KIAA1210: variants seen among roughly 807,000 people sequenced by gnomAD.
The protein encoded by KIAA1210 is acrosomal protein KIAA1210.
KIAA1210 carries 48 observed loss-of-function variants against 78.9 expected under a neutral mutation model. That is an observed-to-expected ratio of 0.61 (90% CI 0.48 to 0.77). The LOEUF is 0.77. KIAA1210 is among the 30% of genes least tolerant of loss of function. The pLI, the probability that KIAA1210 is intolerant of heterozygous loss-of-function variation, is 0.00. For synonymous variants in KIAA1210, 406 were observed against 404.5 expected, an observed-to-expected ratio of 1.00 and a Z score of -0.04; for missense variants, 1,108 against 1,100.0, an observed-to-expected ratio of 1.01 and a Z score of -0.10.
intron 2 of KIAA1210, among the ~76,000 whole-genome samples, chrX:119,121,034 C>T (rs187135658): frequency 2.7e-5 from 3 of 111,319 alleles, no homozygotes; most frequent in Non-Finnish European, 3.8e-5. Flanking sequence ...CACCCCCCAC[C>T]CCCACTATCC....
rs750731045 is a variant in KIAA1210 at position 119,115,235 on chromosome X, T to TTCTCTC, written c.230+1255_230+1260dup. ...CCTTGCACACAAAAAAATCCCCCCC[T>TTCTCTC]TCTCTCTCTCTCTCTCTCTCAGGTT... On this transcript the variant is annotated intron_variant, in intron 3 of 11. Transcript: ENST00000691062. 2.8e-5 allele frequency among the ~76,000 whole-genome samples: 3 copies of TTCTCTC among 106,282 alleles called. No homozygotes were observed. The South Asian group carries it at 1.3e-3, about 45-fold the overall frequency. 92.3% of individuals were successfully genotyped at this position (106,282 alleles called of 115,157 possible).
Position 119,087,366 on chromosome X carries a change from A to C in KIAA1210, c.3336T>G (p.Phe1112Leu). Residue 1112 changes from phenylalanine (F) to leucine (L), a missense_variant, in exon 9 of 12, where the codon TTT becomes TTG. Around this residue, in one of 5 missense-constraint regions of KIAA1210, gnomAD observed 179 missense variants for 174.1 expected, o/e 1.03. Transcript: ENST00000691062. ...GCTGCCTGGGAGACAGCTGCTCTTTAAAACTGCTGCACTTCCCAGGAGCTC... is the reference window on the plus strand; with the variant it reads ...GCTGCCTGGGAGACAGCTGCTCTTTCAAACTGCTGCACTTCCCAGGAGCTC... ...SERAPGKCSS[F>L]KEQLSPRQLS... 1 of 1,211,584 alleles carries C rather than the reference A, an allele frequency of 8.3e-7. No homozygotes were observed. Among genetic ancestry groups the C allele is most frequent in the South Asian group, 1.8e-5 (1 of 56,980 alleles).
intron 7 of KIAA1210, chrX:119,093,997 G>A: frequency 8.5e-7 from 1 of 1,177,319 alleles, no homozygotes; most frequent in East Asian, 3.0e-5. Context: ...ACTGGAAGTG[G>A]TTCATCCAGG....
chrX:119,123,734 T>C (rs969567948), intron 1 of KIAA1210, 82 bp from the exon 2 acceptor site: 1 of 578,261 alleles, frequency 1.7e-6, no homozygotes, highest in Middle Eastern at 3.4e-4. Flanking sequence ...CCCTACCCCT[T>C]ATCCTTCAGT....
intron 6 of KIAA1210, among the ~76,000 whole-genome samples, chrX:119,098,590 G>A (rs779064115): frequency 1.0e-3 from 96 of 93,030 alleles, no homozygotes; most frequent in African/African-American, 3.8e-3. Flanking sequence ...GGGCGACAAA[G>A]CGAGAGACTC....
intron 5 of KIAA1210, among the ~76,000 whole-genome samples, chrX:119,107,415 C>T (rs1201057776): frequency 2.7e-5 from 3 of 112,289 alleles, no homozygotes; most frequent in East Asian, 5.6e-4. Context: ...ACCCTGTTGC[C>T]ACTTGGTCAT....
chrX:119,108,775 T>A (rs1273694683), intron 4 of KIAA1210, among the ~76,000 whole-genome samples: 1 of 108,072 alleles, frequency 9.3e-6, no homozygotes, highest in Admixed American at 9.9e-5. Flanking sequence ...GCCTGGGAAG[T>A]TGAGTCTGCA....
rs1217738359 is a variant in KIAA1210, at chrX:119,080,729, G to A, written c.*600C>T. On this transcript the variant is annotated 3_prime_UTR_variant, in exon 12 of 12. Coordinates refer to ENST00000691062, the MANE Select transcript of KIAA1210 (RefSeq NM_001394962.1). Reference sequence around the variant, plus strand: ...GCAAATGTTTTCGATAGTTTTAATAGAGGAAATGCTGGGTTTCTGGGTGCT... The same window carrying A: ...GCAAATGTTTTCGATAGTTTTAATAAAGGAAATGCTGGGTTTCTGGGTGCT... The A allele has an allele frequency of 8.9e-6, 1 of 112,330 alleles. No individual in the cohort carries two copies. The highest frequency in any genetic ancestry group is 1.9e-5 in the Non-Finnish European group (1 of 53,316). The allele number at this position is 112,330 out of a possible 1,213,427, so 9.3% of individuals were successfully genotyped here. A position where few individuals can be genotyped will look rare whatever the true frequency, so the allele number is the denominator to read the frequency against.
rs36123248 is a variant in KIAA1210, at chrX:119,114,436, C to G, written c.230+2060G>C. Reference sequence around the variant, plus strand: ...AGTCCAGCAGAAAATTACTGTGACTCTCTAGATAAACACTTAATGGATATA... The same window carrying G: ...AGTCCAGCAGAAAATTACTGTGACTGTCTAGATAAACACTTAATGGATATA... On this transcript the variant is annotated intron_variant, in intron 3 of 11. Transcript: ENST00000691062. Among the ~76,000 whole-genome samples the G allele has an allele frequency of 8.2e-3, 926 of 112,427 alleles. 11 individuals are homozygous for G. Among genetic ancestry groups the G allele is most frequent in the African/African-American group, 0.029 (891 of 30,966 alleles).
chrX:119,085,297 G>T, intron 10 of KIAA1210, 86 bp downstream of exon 10: 1 of 866,015 alleles, frequency 1.2e-6, no homozygotes, highest in Non-Finnish European at 1.6e-6. Flanking sequence ...AGGGGGAGCT[G>T]CATGTTGGCA....
At chrX:119,092,020 A>G (rs1927382684) in intron 8 of KIAA1210, among the ~76,000 whole-genome samples, 1 of 111,941 alleles carries the variant, frequency 8.9e-6, no homozygotes, top group African/African-American at 3.3e-5. Flanking sequence ...AGGTGCACTA[A>G]AATCCTAGAC....
At chrX:119,112,408 TAGGAATTCTTTTTATTGAATTCTTA>T (rs1302703348) in intron 3 of KIAA1210, among the ~76,000 whole-genome samples, 4 of 111,644 alleles carry the variant, frequency 3.6e-5, no homozygotes, top group Admixed American at 2.9e-4. Flanking sequence ...TTCTTACTAA[TAGGAATTCTTTTTATTGAATTCTTA>T]AGGAATTCAA....
Position 119,116,607 on chromosome X carries a change from T to G in KIAA1210, c.119A>C (p.Lys40Thr). The G allele has an allele frequency of 8.3e-7, 1 of 1,208,283 alleles. No individual in the cohort carries two copies. Among genetic ancestry groups the G allele is most frequent in the East Asian group, 3.0e-5 (1 of 33,826 alleles). The part of the protein sequence containing the change: ...LKSFFVKKKE[K>T]EAEDTQEEEM... Reference sequence around the variant, plus strand: ...TTCTTCCTGGGTATCTTCGGCTTCTTTTTCCTTCTTCTTAACAAAAAAGCT... The same window carrying G: ...TTCTTCCTGGGTATCTTCGGCTTCTGTTTCCTTCTTCTTAACAAAAAAGCT... Residue 40 changes from lysine to threonine, a missense_variant, in exon 3 of 12, where the codon AAA becomes ACA. Lys to Thr is a moderately conservative substitution (Grantham distance 78, BLOSUM62 -1). Coordinates refer to ENST00000691062, the MANE Select transcript of KIAA1210 (RefSeq NM_001394962.1).
intron 2 of KIAA1210, among the ~76,000 whole-genome samples, chrX:119,145,979 G>T (rs762177924): frequency 8.9e-6 from 1 of 112,124 alleles, no homozygotes; most frequent in East Asian, 2.8e-4. Flanking sequence ...GAAGCAGATT[G>T]GTTTAAAAAG....
chrX:119,139,593 G>A (rs1425358047), intron 2 of KIAA1210, among the ~76,000 whole-genome samples: 3 of 111,739 alleles, frequency 2.7e-5, no homozygotes, highest in African/African-American at 9.8e-5. Flanking sequence ...TCCTCCCCGT[G>A]GTGGTAATGA....
intron 4 of KIAA1210, 136 bp from the exon 5 acceptor site, chrX:119,108,607 G>A (rs2147183095): frequency 1.3e-6 from 1 of 780,345 alleles, no homozygotes; most frequent in Admixed American, 4.0e-5. Flanking sequence ...GCTCGCGCAT[G>A]TAATCCCAGC....
At chrX:119,106,383 T>G (rs1159990845) in intron 5 of KIAA1210, among the ~76,000 whole-genome samples, 4 of 111,912 alleles carry the variant, frequency 3.6e-5, no homozygotes, top group Non-Finnish European at 7.5e-5. Context: ...TGATGTAACC[T>G]GCCCTAATTC....
chrX:119,124,983 A>G (rs951838320), intron 1 of KIAA1210, among the ~76,000 whole-genome samples: 7 of 111,794 alleles, frequency 6.3e-5, no homozygotes, highest in African/African-American at 2.0e-4. Flanking sequence ...TAACAGATAC[A>G]GGGGCCAAAT....
intron 2 of KIAA1210, among the ~76,000 whole-genome samples, chrX:119,119,975 CAAAAAAA>C (rs11342308): frequency 5.6e-5 from 2 of 35,791 alleles, no homozygotes; most frequent in African/African-American, 1.6e-4. Context: ...GACTCCATCT[CAAAAAAA>C]AAAAAAAAAA....
Sources: allele counts gnomAD v4.1 joint callset (sites outside exome capture counted in the v4.1 genomes callset), GRCh38; gene constraint gnomAD v4.1.1; regional missense constraint gnomAD v4.1.1; transcripts MANE v1.5; gene names NCBI Gene and HGNC (gene_info 2026-07-23, HGNC 2026-07-21).